TMEM114: variants seen among roughly 807,000 people sequenced by gnomAD.
The protein encoded by TMEM114 is claudin-26.
In TMEM114, 6 loss-of-function variants were observed where a neutral mutation model predicts 6.2. The ratio of observed to expected loss-of-function variants is 0.97; its 90% CI spans 0.53 to 1.91. The LOEUF is 1.91. Among genes scored for constraint, TMEM114 ranks in the 40% most tolerant of loss-of-function variants. TMEM114 has a pLI of 0.01. For missense variants in TMEM114, 218 were observed against 158.3 expected (o/e 1.38, Z -2.02); for synonymous variants, 104 against 73.0 (o/e 1.42, Z -2.16).
intron 2 of TMEM114, among the ~76,000 whole-genome samples, chr16:8,550,546 T>C (rs1900807354): frequency 6.6e-6 from 1 of 151,890 alleles, no homozygotes; most frequent in South Asian, 2.1e-4. Flanking sequence ...GGTGTGGTGG[T>C]GCATGCCTGT....
chr16:8,544,920 TTCTCTC>T (rs144585319), intron 2 of TMEM114, among the ~76,000 whole-genome samples: 4 of 147,852 alleles, frequency 2.7e-5, no homozygotes, highest in Admixed American at 6.8e-5. Flanking sequence ...CTCAACATCT[TTCTCTC>T]TCTCTCTCTC....
Position 8,573,551 on chromosome 16 carries a change from G to C in TMEM114, c.302-1327C>G, listed in dbSNP as rs114528732. ...GACTCTGAGCTTCCCAGCAGCCAAA[G>C]AAAAAAGGGAAACAAGTGCAAAGTT... On this transcript the variant is annotated intron_variant, in intron 2 of 3. Transcript: ENST00000620492. Among the ~76,000 whole-genome samples the C allele has an allele frequency of 5.8e-3, 880 of 151,300 alleles. 11 individuals are homozygous for C. The highest frequency in any genetic ancestry group is 0.021 in the African/African-American group (849 of 41,384).
At chr16:8,532,309 G>T in the TMEM114 span, among the ~76,000 whole-genome samples, 1 of 152,126 alleles carries the variant, frequency 6.6e-6, no homozygotes, top group Non-Finnish European at 1.5e-5. Context: ...AGCCCTCTGT[G>T]TAAACTTGTC....
At chr16:8,587,991 T>C (rs962863804) in intron 2 of TMEM114, among the ~76,000 whole-genome samples, 1 of 150,302 alleles carries the variant, frequency 6.7e-6, no homozygotes, top group Admixed American at 6.6e-5. Flanking sequence ...CTATCACTAT[T>C]AAAAAAAAAC....
rs933755173 is a variant in TMEM114 at position 8,570,085 on chromosome 16, C to G, written c.440-80G>C. 7 of 1,482,380 alleles carry G rather than the reference C, an allele frequency of 4.7e-6. No homozygotes were observed. The African/African-American group carries it at 9.7e-5, about 21-fold the overall frequency. 91.8% of individuals were successfully genotyped at this position (1,482,380 alleles called of 1,614,324 possible). A position where few individuals can be genotyped will look rare whatever the true frequency, so the allele number is the denominator to read the frequency against. Reference sequence around the variant, plus strand: ...CCCTCCTCCTCCTCGCCCTGCCCAGCCACGCTGCTCAGCGTCCAGCGTCCT... The same window carrying G: ...CCCTCCTCCTCCTCGCCCTGCCCAGGCACGCTGCTCAGCGTCCAGCGTCCT... On this transcript the variant is annotated intron_variant, in intron 3 of 3. Transcript: ENST00000620492.
At chr16:8,532,075 C>G in the TMEM114 span, 1 of 152,188 alleles carries the variant, frequency 6.6e-6, no homozygotes. Flanking sequence ...GCTTACCTGG[C>G]TCAGGTGCCC....
chr16:8,563,139 A>T (rs1901338857), intron 2 of TMEM114, among the ~76,000 whole-genome samples: 1 of 136,648 alleles, frequency 7.3e-6, no homozygotes, highest in Non-Finnish European at 1.6e-5. Flanking sequence ...GTGAATGAGT[A>T]AATGAGTGAC....
intron 1 of TMEM114, 135 bp from the exon 2 acceptor site, chr16:8,589,428 T>G (rs1173143514): frequency 2.5e-6 from 1 of 398,024 alleles, no homozygotes; most frequent in Non-Finnish European, 4.4e-6. Context: ...GCAGTTGGGA[T>G]CGCAGCCGGG....
At chr16:8,569,465 G>T, downstream of TMEM114, 1 of 1,212,630 alleles carries the variant, frequency 8.2e-7, no homozygotes, top group Non-Finnish European at 1.0e-6. Flanking sequence ...AAGTCGGAGG[G>T]GGCGTGAGGA....
At chr16:8,562,275 AATGAG>A (rs1901262715) in intron 2 of TMEM114, among the ~76,000 whole-genome samples, 1 of 87,598 alleles carries the variant, frequency 1.1e-5, no homozygotes, top group South Asian at 3.3e-4. Flanking sequence ...GGAGGGAGGG[AATGAG>A]TGAGTGAGTG....
intron 2 of TMEM114, among the ~76,000 whole-genome samples, chr16:8,542,442 C>T (rs897238943): frequency 2.0e-5 from 3 of 152,172 alleles, no homozygotes; most frequent in African/African-American, 7.2e-5. Flanking sequence ...CAAGTCTGCT[C>T]CTCCAGCACC....
rs1901327046 is a variant in TMEM114, at chr16:8,563,006, GAAT to G, written n.213-25183_213-25181del. ...GGAAGGAGTGAGTGAATGAGTGAGT[GAAT>G]GAATGAGTGAGTGAGGGAATGAGTG... On this transcript the variant is annotated intron_variant and non_coding_transcript_variant, in intron 2 of 2. Transcript: ENST00000623677. Among the ~76,000 whole-genome samples the G allele has an allele frequency of 1.5e-4, 21 of 138,394 alleles. 1 individual carries two copies. Among genetic ancestry groups the G allele is most frequent in the South Asian group, 2.2e-4 (1 of 4,580 alleles). 90.8% of individuals were successfully genotyped at this position (138,394 alleles called of 152,430 possible). A position where few individuals can be genotyped will look rare whatever the true frequency, so the allele number is the denominator to read the frequency against.
intron 2 of TMEM114, among the ~76,000 whole-genome samples, chr16:8,538,528 G>C (rs551245661): frequency 1.1e-3 from 166 of 151,452 alleles, no homozygotes; most frequent in African/African-American, 3.7e-3. Context: ...TTTTTTTTGA[G>C]ACAGAGTCTT....
downstream of TMEM114, among the ~76,000 whole-genome samples, chr16:8,533,035 C>A (rs569137411): frequency 9.9e-5 from 15 of 152,206 alleles, 1 homozygote; most frequent in South Asian, 3.1e-3. Flanking sequence ...TCATGATGAA[C>A]AACATAAATA....
At chr16:8,576,500 C>A (rs1241963660) in intron 2 of TMEM114, among the ~76,000 whole-genome samples, 2 of 152,164 alleles carry the variant, frequency 1.3e-5, no homozygotes, top group African/African-American at 4.8e-5. Flanking sequence ...GGGCCAGGGG[C>A]TCTCCCAGGC....
intron 2 of TMEM114, among the ~76,000 whole-genome samples, chr16:8,574,930 T>C (rs559910703): frequency 6.6e-6 from 1 of 152,102 alleles, no homozygotes; most frequent in East Asian, 1.9e-4. Flanking sequence ...CTTTGCTACA[T>C]TTTTTTCCCA....
intron 2 of TMEM114, among the ~76,000 whole-genome samples, chr16:8,558,140 C>G (rs557669678): frequency 6.6e-6 from 1 of 152,102 alleles, no homozygotes. Flanking sequence ...GTAATCCCAG[C>G]TACTAGGGAG....
At chr16:8,546,564 A>C (rs538002503) in intron 2 of TMEM114, among the ~76,000 whole-genome samples, 1 of 152,328 alleles carries the variant, frequency 6.6e-6, no homozygotes, top group East Asian at 1.9e-4. Context: ...CAATTGGTTC[A>C]GGAAGCCAAG....
At chr16:8,538,359 G>A (rs1005957866) in intron 2 of TMEM114, among the ~76,000 whole-genome samples, 1 of 152,036 alleles carries the variant, frequency 6.6e-6, no homozygotes, top group African/African-American at 2.4e-5. Flanking sequence ...TGCTGGTTGT[G>A]CTGGGAGATA....
Sources: allele counts gnomAD v4.1 joint callset (sites outside exome capture counted in the v4.1 genomes callset), GRCh38; gene constraint gnomAD v4.1.1; transcripts MANE v1.5; gene names NCBI Gene and HGNC (gene_info 2026-07-23, HGNC 2026-07-21).